OBSL1: variants seen among roughly 807,000 people sequenced by gnomAD.
OBSL1 encodes the protein obscurin-like protein 1.
In OBSL1, 160 loss-of-function variants were observed where a neutral mutation model predicts 172.0. The ratio of observed to expected loss-of-function variants is 0.93; its 90% CI spans 0.82 to 1.06. The LOEUF is 1.06. OBSL1 is among the 50% of genes least tolerant of loss of function. The pLI, the probability that OBSL1 is intolerant of heterozygous loss-of-function variation, is 0.00. For synonymous variants in OBSL1, 1,200 were observed against 1,196.3 expected, an observed-to-expected ratio of 1.00 and a Z score of -0.06; for missense variants, 2,681 against 2,715.4, an observed-to-expected ratio of 0.99 and a Z score of 0.28.
Position 219,567,378 on chromosome 2 carries a change from G to GT in OBSL1, c.1731_1732insA (p.Pro578ThrfsTer10). ...CCCTCGGAGGGCACACAGTCGCCCGGCACCTCCACGGCTCCGGCTTTCTCG... is the reference window on the plus strand; with the variant it reads ...CCCTCGGAGGGCACACAGTCGCCCGGTCACCTCCACGGCTCCGGCTTTCTCG... On this transcript the variant is annotated frameshift_variant, in exon 4 of 21. Coordinates refer to ENST00000404537, the MANE Select transcript of OBSL1 (RefSeq NM_015311.3). LOFTEE classifies it high-confidence loss of function. 1 of 1,612,928 alleles carries GT rather than the reference G, an allele frequency of 6.2e-7. No homozygotes were observed. The highest frequency in any genetic ancestry group is 8.5e-7 in the Non-Finnish European group (1 of 1,179,410).
intron 20 of OBSL1, 70 bp from the exon 21 acceptor site, chr2:219,550,912 C>A: frequency 6.3e-7 from 1 of 1,580,730 alleles, no homozygotes. Flanking sequence ...CCTGGCAGAG[C>A]CTGGACACCA....
In OBSL1 at chr2:219,558,054, G is replaced by C. The variant is rs1187307618; in HGVS notation, c.3559C>G (p.Pro1187Ala). 2 of 1,613,666 alleles carry C rather than the reference G, an allele frequency of 1.2e-6. No homozygotes were observed. Among genetic ancestry groups the C allele is most frequent in the Admixed American group, 1.7e-5 (1 of 60,014 alleles). ...CAGCTCAGCACCACTGGCTCCCCAG[G>C]GGCCACACAGAGCGGGCTTGGAGTT... ...ETTPSPLCVA[P>A]GEPVVLSCEL... is the part of the protein sequence containing the mutation. The change falls in exon 11 of 21, where the codon CCT (proline) becomes GCT (alanine). Residue 1187 changes from proline to alanine, a missense_variant. Around this residue, in one of 5 missense-constraint regions of OBSL1, gnomAD observed 1,765 missense variants for 1,748.3 expected, o/e 1.01. Transcript: ENST00000404537.
rs1695555450 is a variant in OBSL1 at position 219,550,732 on chromosome 2, C to T, written c.*103G>A. ...TCACTCAGAGAGGCAAGGAAATGAG[C>T]TGTAGCACTTTTATTGTTCCTTGTC... On this transcript the variant is annotated 3_prime_UTR_variant, in exon 21 of 21. Transcript: ENST00000404537. The T allele has an allele frequency of 2.7e-6, 4 of 1,461,816 alleles. No individual in the cohort carries two copies. The highest frequency in any genetic ancestry group is 2.8e-5 in the African/African-American group (2 of 71,524). The allele number at this position is 1,461,816 out of a possible 1,614,324, so 90.6% of individuals were successfully genotyped here.
Position 219,566,993 on chromosome 2 carries a change from G to T in OBSL1, c.1971C>A (p.Asn657Lys). 1 of 1,613,778 alleles carries T rather than the reference G, an allele frequency of 6.2e-7. No individual in the cohort carries two copies. The highest frequency in any genetic ancestry group is 8.5e-7 in the Non-Finnish European group (1 of 1,179,892). ...CAGGTTCCACCTGGCCCTCCGGCTCGTTACTCTTGAGCTCTTCCCCATTAA... is the reference window on the plus strand; with the variant it reads ...CAGGTTCCACCTGGCCCTCCGGCTCTTTACTCTTGAGCTCTTCCCCATTAA... ...WFLNGEELKS[N>K]EPEGQVEPGA... The change falls in exon 5 of 21, where the codon AAC becomes AAA. Residue 657 changes from asparagine to lysine, a missense_variant. Transcript: ENST00000404537.
chr2:219,570,279 G>C lies in OBSL1; in HGVS notation c.954C>G (p.Val318=). 1 of 1,606,604 alleles carries C rather than the reference G, an allele frequency of 6.2e-7. No homozygotes were observed. Among genetic ancestry groups the C allele is most frequent in the Non-Finnish European group, 8.5e-7 (1 of 1,174,912 alleles). Residue 318 remains valine, a synonymous_variant, in exon 1 of 21, where the codon GTC becomes GTG. Coordinates refer to ENST00000404537, the MANE Select transcript of OBSL1 (RefSeq NM_015311.3). ...YCQAKDRGLY[V]CAARNSAGQT... ...GGCCCGCCGAGTTGCGCGCGGCGCA[G>C]ACGTAGAGCCCACGATCCTTGGCCT...
Position 219,570,291 on chromosome 2 carries a change from A to G in OBSL1, c.942T>C (p.Arg314=), listed in dbSNP as rs1697243487. Residue 314 remains arginine (R), a synonymous_variant, in exon 1 of 21, where the codon CGT becomes CGC. Transcript: ENST00000404537. Reference sequence around the variant, plus strand: ...TGCGCGCGGCGCAGACGTAGAGCCCACGATCCTTGGCCTGGCAGTAAAGCA... The same window carrying G: ...TGCGCGCGGCGCAGACGTAGAGCCCGCGATCCTTGGCCTGGCAGTAAAGCA... ...LKVLYCQAKD[R]GLYVCAARNS... is the part of the protein sequence containing the mutation. 1 of 1,608,916 alleles carries G rather than the reference A, an allele frequency of 6.2e-7. No individual in the cohort carries two copies. Among genetic ancestry groups the G allele is most frequent in the Non-Finnish European group, 8.5e-7 (1 of 1,176,534 alleles).
rs3731918 is a variant in OBSL1 at position 219,550,995 on chromosome 2, G to A, written c.5684-153C>T. 0.53 allele frequency: 797,955 copies of A among 1,496,186 alleles called. 217,317 individuals are homozygous for A. Among genetic ancestry groups the A allele is most frequent in the South Asian group, 0.74 (58,059 of 78,606 alleles). 92.7% of individuals were successfully genotyped at this position (1,496,186 alleles called of 1,614,324 possible). ...CTTGGTTAGGGCTGTCTTGGCGGCA[G>A]GAAGGTGGGGGTCAGCTAGGGGTGG... is the stretch of plus-strand genomic sequence containing the variant. On this transcript the variant is annotated intron_variant, in intron 20 of 20. Transcript: ENST00000404537.
intron 8 of OBSL1, chr2:219,559,706 A>C: frequency 1.8e-6 from 1 of 549,984 alleles, no homozygotes; most frequent in Admixed American, 3.2e-5. Flanking sequence ...TCCAGAAATG[A>C]TGCGTTTCTC....
At position 219,571,219 on chromosome 2, in the gene OBSL1, G is replaced by A. The variant is rs1182199715; in HGVS notation, c.14C>T (p.Ser5Leu). The A allele has an allele frequency of 6.6e-6, 9 of 1,367,098 alleles. No homozygotes were observed. The highest frequency in any genetic ancestry group is 8.5e-6 in the Non-Finnish European group (9 of 1,056,116). 84.7% of individuals were successfully genotyped at this position (1,367,098 alleles called of 1,614,324 possible). The change falls in exon 1 of 21, where the codon TCG becomes TTG. Residue 5 changes from serine to leucine, a missense_variant. Transcript: ENST00000404537. MKAS[S>L]GDQGSPPCFL... ...GCACGGGGGGCTCCCCTGATCCCCCGAGCTCGCCTTCATCGCGGCGGCCGA... is the reference window on the plus strand; with the variant it reads ...GCACGGGGGGCTCCCCTGATCCCCCAAGCTCGCCTTCATCGCGGCGGCCGA...
At chr2:219,560,301 G>A (rs1435352217) in intron 8 of OBSL1, among the ~76,000 whole-genome samples, 1 of 152,218 alleles carries the variant, frequency 6.6e-6, no homozygotes, top group Non-Finnish European at 1.5e-5. Context: ...GTAGTGGCAG[G>A]AATTCCAAGC....
At chr2:219,559,792 C>G (rs770341133) in intron 8 of OBSL1, among the ~76,000 whole-genome samples, 1 of 152,120 alleles carries the variant, frequency 6.6e-6, no homozygotes, top group Non-Finnish European at 1.5e-5. Context: ...TGTGGTATAA[C>G]ACATACTACA....
Position 219,550,775 on chromosome 2 carries a change from G to A in OBSL1, c.*60C>T, listed in dbSNP as rs1018177308. 1.3e-6 allele frequency: 2 copies of A among 1,587,258 alleles called. No homozygotes were observed. Among genetic ancestry groups the A allele is most frequent in the Admixed American group, 3.5e-5 (2 of 56,524 alleles). On this transcript the variant is annotated 3_prime_UTR_variant, in exon 21 of 21. Coordinates refer to ENST00000404537, the MANE Select transcript of OBSL1 (RefSeq NM_015311.3). ...TCCTTGTCTCTCTACCCCTGCCCAG[G>A]GTAAGGGCAAACGCCTTCCAAGCTG... is the stretch of plus-strand genomic sequence containing the variant.
In OBSL1 at chr2:219,571,265, TGGGGGGGCAGGG is replaced by T; in HGVS notation, c.-45_-34del. The T allele has an allele frequency of 4.0e-6, 3 of 756,224 alleles. No homozygotes were observed. The highest frequency in any genetic ancestry group is 5.1e-6 in the Non-Finnish European group (3 of 583,042). 46.8% of individuals were successfully genotyped at this position (756,224 alleles called of 1,614,324 possible). ...GCCGACCGCCTGCAGCGGCGAACGG[TGGGGGGGCAGGG>T]GGGGGTGCGGAGGGCGAGCCGAGGC... On this transcript the variant is annotated 5_prime_UTR_variant, in exon 1 of 21. Transcript: ENST00000404537.
chr2:219,569,997 C>T (rs1697215833), intron 1 of OBSL1, among the ~76,000 whole-genome samples: 1 of 152,222 alleles, frequency 6.6e-6, no homozygotes, highest in Non-Finnish European at 1.5e-5. Flanking sequence ...CCATCTGCCT[C>T]GGAATCATTT....
At position 219,557,533 on chromosome 2, in the gene OBSL1, G is replaced by T. The variant is rs1418502564; in HGVS notation, c.3876C>A (p.His1292Gln). Residue 1292 changes from histidine to glutamine, a missense_variant, in exon 12 of 21, where the codon CAC (histidine) becomes CAA (glutamine). Around this residue, in one of 5 missense-constraint regions of OBSL1, gnomAD observed 1,765 missense variants for 1,748.3 expected, o/e 1.01. Transcript: ENST00000404537. ...GTACAGGGCCCCCTGGCCCGGAGAG[G>T]TGCACCACCAGCTCTAGGTCCCCGC... Reference protein sequence around the residue: ...TPGGDLELVVHLSGPGGPVRW... With the variant: ...TPGGDLELVVQLSGPGGPVRW... The T allele has an allele frequency of 6.4e-7, 1 of 1,552,894 alleles. No homozygotes were observed. Among genetic ancestry groups the T allele is most frequent in the South Asian group, 1.2e-5 (1 of 84,094 alleles).
chr2:219,570,549 C>T lies in OBSL1; in HGVS notation c.684G>A (p.Gln228=), dbSNP rs1697271672. 7 of 1,593,986 alleles carry T rather than the reference C, an allele frequency of 4.4e-6. No individual in the cohort carries two copies. Among genetic ancestry groups the T allele is most frequent in the Non-Finnish European group, 6.0e-6 (7 of 1,171,582 alleles). Residue 228 remains glutamine, a synonymous_variant, in exon 1 of 21, where the codon CAG becomes CAA. Coordinates refer to ENST00000404537, the MANE Select transcript of OBSL1 (RefSeq NM_015311.3). ...GGTCCGCGGGCGGGCTCTCGGGGGG[C>T]TGGTGCACCTGGAGCAGCGCCCCCG... is the stretch of plus-strand genomic sequence containing the variant. ...AQAGALLQVH[Q]PPESPPADPD...
Position 219,568,008 on chromosome 2 carries a change from G to A in OBSL1, c.1283-39C>T, listed in dbSNP as rs771865782. ...AGGAATCCATCAACCTGGAATCTGAGCACCTGCCTGCCTCCGCCTCAGCCT... is the reference window on the plus strand; with the variant it reads ...AGGAATCCATCAACCTGGAATCTGAACACCTGCCTGCCTCCGCCTCAGCCT... On this transcript the variant is annotated intron_variant, in intron 2 of 20. Coordinates refer to ENST00000404537, the MANE Select transcript of OBSL1 (RefSeq NM_015311.3). The surrounding 1 kb of genome is among the most constrained non-coding windows in gnomAD (Gnocchi z 4.1). The A allele has an allele frequency of 4.4e-6, 7 of 1,609,000 alleles. No homozygotes were observed. Among genetic ancestry groups the A allele is most frequent in the Non-Finnish European group, 6.0e-6 (7 of 1,176,040 alleles).
At chr2:219,564,257 C>T (rs1243755594) in intron 6 of OBSL1, among the ~76,000 whole-genome samples, 1 of 152,212 alleles carries the variant, frequency 6.6e-6, no homozygotes, top group Non-Finnish European at 1.5e-5. Context: ...TAACCAGCTT[C>T]CAGGAGCTTC....
At chr2:219,562,281 G>A in intron 8 of OBSL1, 121 bp downstream of exon 8, 1 of 1,255,420 alleles carries the variant, frequency 8.0e-7, no homozygotes, top group East Asian at 2.4e-5. Context: ...AAGAACCCTG[G>A]CACATGCACC....
Sources: gnomAD v4.1 joint callset for allele counts (sites outside exome capture counted in the v4.1 genomes callset) on GRCh38, gnomAD v4.1.1 for gene constraint, gnomAD v4.1.1 regional missense constraint, Gnocchi (gnomAD v3.1) non-coding constraint, MANE v1.5 for transcripts, NCBI Gene and HGNC (gene_info 2026-07-23, HGNC 2026-07-21) for gene names.